The following TNNI3K variants were observed in gnomAD, a reference collection of about 807,000 sequenced individuals.
TNNI3K encodes the protein TNNI3 interacting kinase.
Under a neutral mutation model 114.5 loss-of-function variants are expected in TNNI3K, and 140 were observed. The ratio of observed to expected loss-of-function variants is 1.22; its 90% CI spans 1.07 to 1.41. TNNI3K has a LOEUF of 1.41. Ranked by LOEUF, TNNI3K falls within the 40% of genes most tolerant of loss-of-function variation. The probability of loss-of-function intolerance (pLI) is 0.00; values close to 1 mark genes in which losing one functional copy is unlikely to be tolerated. For missense variants in TNNI3K, 1,125 were observed against 1,007.6 expected, an observed-to-expected ratio of 1.12 and a Z score of -1.58; for synonymous variants, 347 against 347.5, an observed-to-expected ratio of 1.00 and a Z score of 0.02.
At chr1:74,387,372 T>G (rs1663537316) in intron 17 of TNNI3K, among the ~76,000 whole-genome samples, 1 of 152,214 alleles carries the variant, frequency 6.6e-6, no homozygotes, top group Non-Finnish European at 1.5e-5. Flanking sequence ...TGAAGTGCCA[T>G]GAAAATCGTA....
intron 21 of TNNI3K, among the ~76,000 whole-genome samples, chr1:74,485,892 A>G (rs1001360012): frequency 1.3e-5 from 2 of 152,086 alleles, no homozygotes; most frequent in African/African-American, 2.4e-5. Context: ...CCAACAACCA[A>G]TGCGCTTAAA....
chr1:74,406,995 AATGCATTCCC>A (rs1664647460), intron 17 of TNNI3K, among the ~76,000 whole-genome samples: 1 of 152,198 alleles, frequency 6.6e-6, no homozygotes, highest in Non-Finnish European at 1.5e-5. Flanking sequence ...TATCAGTGAA[AATGCATTCCC>A]ATCCAAGCCT....
chr1:74,257,963 G>A (rs1405953061), intron 4 of TNNI3K, among the ~76,000 whole-genome samples: 1 of 152,040 alleles, frequency 6.6e-6, no homozygotes, highest in African/African-American at 2.4e-5. Context: ...CACCGTGCCC[G>A]GCCGCCTCTC....
chr1:74,430,955 A>G (rs1665869584), intron 17 of TNNI3K, among the ~76,000 whole-genome samples: 1 of 152,170 alleles, frequency 6.6e-6, no homozygotes. Context: ...GTTTTGAGTC[A>G]GAAAGTCACT....
intron 2 of TNNI3K, chr1:74,240,603 T>G (rs940982929): frequency 6.6e-6 from 1 of 152,204 alleles, no homozygotes; most frequent in Non-Finnish European, 1.5e-5. Flanking sequence ...GCTCTCCACA[T>G]GTGACTTCAA....
chr1:74,463,802 C>T lies in TNNI3K; in HGVS notation c.2121+252C>T, dbSNP rs17095376. On this transcript the variant is annotated intron_variant, in intron 21 of 24. Coordinates refer to ENST00000326637, the MANE Select transcript of TNNI3K (RefSeq NM_015978.3). Reference sequence around the variant, plus strand: ...AGAGAGACCAGGGTATGACAGATGACTCACAGTCTCATCTCAGCTGCAATT... The same window carrying T: ...AGAGAGACCAGGGTATGACAGATGATTCACAGTCTCATCTCAGCTGCAATT... Among the ~76,000 whole-genome samples the T allele has an allele frequency of 9.8e-3, 1,486 of 152,298 alleles. 20 individuals are homozygous for T. The highest frequency in any genetic ancestry group is 0.044 in the South Asian group (213 of 4,832).
chr1:74,463,707 G>A (rs1178447899), intron 21 of TNNI3K, among the ~76,000 whole-genome samples, 157 bp downstream of exon 21: 2 of 152,206 alleles, frequency 1.3e-5, no homozygotes, highest in African/African-American at 4.8e-5. Context: ...GCCTCAAGAA[G>A]TCTGAGTATC....
intron 4 of TNNI3K, among the ~76,000 whole-genome samples, chr1:74,266,037 A>T (rs971270487): frequency 6.6e-6 from 1 of 152,018 alleles, no homozygotes; most frequent in African/African-American, 2.4e-5. Flanking sequence ...ATAACAAACT[A>T]TCCCAAACTT....
chr1:74,458,607 C>A (rs1424977430), intron 20 of TNNI3K, among the ~76,000 whole-genome samples: 1 of 152,094 alleles, frequency 6.6e-6, no homozygotes, highest in Non-Finnish European at 1.5e-5. Flanking sequence ...AGGCATTGTG[C>A]CCTATTCTCT....
intron 5 of TNNI3K, among the ~76,000 whole-genome samples, chr1:74,273,096 A>G (rs1191644378): frequency 6.6e-6 from 1 of 151,974 alleles, no homozygotes; most frequent in Non-Finnish European, 1.5e-5. Flanking sequence ...AGCTGCATAT[A>G]AAATTATACT....
At chr1:74,397,353 A>G (rs185061596) in intron 17 of TNNI3K, among the ~76,000 whole-genome samples, 11 of 152,232 alleles carry the variant, frequency 7.2e-5, no homozygotes, top group Middle Eastern at 3.4e-3. Context: ...ATGGCAATAA[A>G]TGACAGGAGG....
chr1:74,235,905 G>T (rs1653825169), intron 1 of TNNI3K, among the ~76,000 whole-genome samples, 197 bp from the exon 2 acceptor site: 1 of 150,888 alleles, frequency 6.6e-6, no homozygotes, highest in Admixed American at 6.6e-5. Flanking sequence ...ATATCGAATG[G>T]GTTCTTCATT....
chr1:74,467,908 A>G (rs17095385), intron 21 of TNNI3K, among the ~76,000 whole-genome samples: 5,070 of 152,216 alleles, frequency 0.033, 177 homozygotes, highest in African/African-American at 0.088. Context: ...AAGATAAAAA[A>G]TGAATGGGTT....
intron 23 of TNNI3K, among the ~76,000 whole-genome samples, chr1:74,503,423 A>ATTAGTAT (rs1416841425): frequency 1.3e-5 from 2 of 152,232 alleles, no homozygotes; most frequent in Non-Finnish European, 2.9e-5. Context: ...GCTTATTGGA[A>ATTAGTAT]CATTATATTA....
intron 11 of TNNI3K, among the ~76,000 whole-genome samples, chr1:74,355,730 C>T (rs771028070): frequency 7.9e-5 from 12 of 151,922 alleles, no homozygotes; most frequent in Non-Finnish European, 1.6e-4. Context: ...ATGCAGTAAG[C>T]GTATAGACAA....
intron 5 of TNNI3K, among the ~76,000 whole-genome samples, chr1:74,272,586 G>A (rs1473241957): frequency 1.3e-5 from 2 of 151,820 alleles, no homozygotes; most frequent in Non-Finnish European, 2.9e-5. Context: ...TGTTAGAGTG[G>A]AGTGAGCGGA....
At chr1:74,541,143 A>G (rs948459661) in intron 24 of TNNI3K, among the ~76,000 whole-genome samples, 3 of 152,190 alleles carry the variant, frequency 2.0e-5, no homozygotes, top group African/African-American at 7.2e-5. Context: ...CAGATTTATT[A>G]TAAGAGCTGG....
intron 17 of TNNI3K, among the ~76,000 whole-genome samples, chr1:74,434,485 G>C (rs1666033838): frequency 6.6e-6 from 1 of 151,786 alleles, no homozygotes; most frequent in Non-Finnish European, 1.5e-5. Context: ...ACATGATAAA[G>C]TCTCAGCACA....
intron 17 of TNNI3K, among the ~76,000 whole-genome samples, chr1:74,392,981 G>A (rs900036238): frequency 1.3e-5 from 2 of 152,188 alleles, no homozygotes; most frequent in African/African-American, 4.8e-5. Flanking sequence ...CTGTTTTCCT[G>A]TGTTCTAAAA....
Sources: allele counts gnomAD v4.1 joint callset (sites outside exome capture counted in the v4.1 genomes callset), GRCh38; gene constraint gnomAD v4.1.1; transcripts MANE v1.5; gene names NCBI Gene and HGNC (gene_info 2026-07-23, HGNC 2026-07-21).